The following FRMPD4 variants were observed in gnomAD, a reference collection of about 807,000 sequenced individuals.
The protein encoded by FRMPD4 is FERM and PDZ domain-containing protein 4.
In FRMPD4, 22 loss-of-function variants were observed where a neutral mutation model predicts 94.1. The ratio of observed to expected loss-of-function variants is 0.23; its 90% CI spans 0.17 to 0.33. The LOEUF is 0.33. FRMPD4 is among the 10% of genes least tolerant of loss of function. The pLI is 1.00. For missense variants in FRMPD4, 1,111 were observed against 1,339.9 expected, an observed-to-expected ratio of 0.83 and a Z score of 2.67; for synonymous variants, 631 against 548.6, an observed-to-expected ratio of 1.15 and a Z score of -2.10.
chrX:11,959,195 A>G (rs1396615341), intron 3 of FRMPD4, among the ~76,000 whole-genome samples: 1 of 112,496 alleles, frequency 8.9e-6, no homozygotes, highest in African/African-American at 3.2e-5. Flanking sequence ...TTTGGAAGGG[A>G]GAGCTTTATT....
intron 1 of FRMPD4, among the ~76,000 whole-genome samples, chrX:12,427,294 C>T (rs936120261): frequency 1.8e-5 from 2 of 111,027 alleles, no homozygotes; most frequent in South Asian, 3.8e-4. Context: ...GTTCCATCCT[C>T]ATCTCACTCT....
intron 3 of FRMPD4, among the ~76,000 whole-genome samples, chrX:12,121,910 T>G (rs1170771120): frequency 8.9e-6 from 1 of 111,734 alleles, no homozygotes; most frequent in Non-Finnish European, 1.9e-5. Flanking sequence ...TCTCAGCATA[T>G]GCATAGTAAG....
chrX:12,543,096 G>T (rs1461867841), intron 2 of FRMPD4, among the ~76,000 whole-genome samples: 7 of 111,437 alleles, frequency 6.3e-5, no homozygotes, highest in African/African-American at 2.0e-4. Context: ...ATTCAAGATG[G>T]ATTAAAGACT....
At chrX:12,460,797 T>C (rs2057383317) in intron 1 of FRMPD4, among the ~76,000 whole-genome samples, 1 of 111,990 alleles carries the variant, frequency 8.9e-6, no homozygotes, top group African/African-American at 3.2e-5. Context: ...AAAATGAGGA[T>C]TTACAAAATA....
intron 1 of FRMPD4, among the ~76,000 whole-genome samples, chrX:12,334,518 TA>T (rs1471806295): frequency 9.0e-6 from 1 of 110,706 alleles, no homozygotes; most frequent in Non-Finnish European, 1.9e-5. Flanking sequence ...TCTTGGGAGA[TA>T]AGGCAAGTTT....
At chrX:12,355,118 C>T (rs2055874449) in intron 1 of FRMPD4, among the ~76,000 whole-genome samples, 1 of 111,252 alleles carries the variant, frequency 9.0e-6, no homozygotes, top group African/African-American at 3.3e-5. Flanking sequence ...CTACTTAGCA[C>T]ATTATAAGCA....
At chrX:12,687,237 A>G (rs1455377445) in intron 7 of FRMPD4, among the ~76,000 whole-genome samples, 2 of 112,336 alleles carry the variant, frequency 1.8e-5, no homozygotes, top group Admixed American at 9.4e-5. Flanking sequence ...GGAAAATATT[A>G]GATTGATGTT....
At chrX:12,563,765 C>G (rs1261157077) in intron 2 of FRMPD4, among the ~76,000 whole-genome samples, 3 of 112,117 alleles carry the variant, frequency 2.7e-5, no homozygotes, top group African/African-American at 9.7e-5. Flanking sequence ...GGAATGCTTC[C>G]AGAGTATTTT....
rs773559624 is a variant in FRMPD4, at chrX:12,583,560, C to T, written c.159-26161C>T. On this transcript the variant is annotated intron_variant, in intron 2 of 16. Coordinates refer to ENST00000675598, the MANE Select transcript of FRMPD4 (RefSeq NM_001368397.1). ...CCTCATAACCAAAACCACGCTCCAGCGCAAGCCAGGCCTAACCGCACCAGC... is the reference window on the plus strand; with the variant it reads ...CCTCATAACCAAAACCACGCTCCAGTGCAAGCCAGGCCTAACCGCACCAGC... 132 of 830,477 alleles carry T rather than the reference C, an allele frequency of 1.6e-4. No homozygotes were observed. The African/African-American group carries it at 2.4e-3, about 15-fold the overall frequency. 68.4% of individuals were successfully genotyped at this position (830,477 alleles called of 1,213,427 possible).
rs1169538109 is a variant in FRMPD4, at chrX:12,166,445, C to T, written c.41+27433C>T. Reference sequence around the variant, plus strand: ...AAGCTTTTTGATGTGTTGCTGGATTCGGTTTGCCAGTATTTTATTGAGGAT... The same window carrying T: ...AAGCTTTTTGATGTGTTGCTGGATTTGGTTTGCCAGTATTTTATTGAGGAT... On this transcript the variant is annotated intron_variant, in intron 1 of 16. Transcript: ENST00000675598. 3.6e-5 allele frequency among the ~76,000 whole-genome samples: 4 copies of T among 111,122 alleles called. No individual in the cohort carries two copies. The South Asian group carries it at 1.2e-3, about 32-fold the overall frequency.
intron 1 of FRMPD4, among the ~76,000 whole-genome samples, chrX:12,350,595 G>A (rs914158878): frequency 8.9e-6 from 1 of 112,051 alleles, no homozygotes; most frequent in African/African-American, 3.2e-5. Flanking sequence ...AAATGTTTTT[G>A]ATTAAAACTA....
chrX:12,218,779 T>C (rs770113285), intron 1 of FRMPD4, among the ~76,000 whole-genome samples: 33 of 112,300 alleles, frequency 2.9e-4, no homozygotes, highest in Non-Finnish European at 5.8e-4. Flanking sequence ...TGGGGCACCC[T>C]TAGGGGCCAT....
At chrX:12,243,950 G>A (rs1046870722) in intron 1 of FRMPD4, among the ~76,000 whole-genome samples, 4 of 106,477 alleles carry the variant, frequency 3.8e-5, no homozygotes, top group Non-Finnish European at 7.7e-5. Flanking sequence ...CATACACCAT[G>A]TTGCCCAGCT....
intron 1 of FRMPD4, among the ~76,000 whole-genome samples, chrX:12,160,817 G>T (rs1243792924): frequency 9.0e-6 from 1 of 110,877 alleles, no homozygotes. Context: ...GATGTTCAGG[G>T]CTTAGAATAT....
chrX:12,374,704 C>T (rs895463800), intron 1 of FRMPD4, among the ~76,000 whole-genome samples: 12 of 111,425 alleles, frequency 1.1e-4, no homozygotes, highest in Non-Finnish European at 1.1e-4. Context: ...AGGGTCGGAT[C>T]CCATCTTTAT....
chrX:12,112,747 C>G (rs1156820658), intron 3 of FRMPD4, among the ~76,000 whole-genome samples: 1 of 110,455 alleles, frequency 9.1e-6, no homozygotes, highest in African/African-American at 3.3e-5. Context: ...ATGTTTCGAT[C>G]CAGTGGTAGC....
chrX:12,027,004 T>C (rs1004198303), intron 3 of FRMPD4, among the ~76,000 whole-genome samples: 1 of 111,912 alleles, frequency 8.9e-6, no homozygotes, highest in Non-Finnish European at 1.9e-5. Flanking sequence ...AGGAATTTGC[T>C]CTATAGCCTT....
chrX:12,403,208 G>A (rs1052482841), intron 1 of FRMPD4, among the ~76,000 whole-genome samples: 1 of 111,518 alleles, frequency 9.0e-6, no homozygotes, highest in African/African-American at 3.3e-5. Context: ...CCTCAACATG[G>A]TCTACATGGC....
intron 1 of FRMPD4, among the ~76,000 whole-genome samples, chrX:11,861,540 C>T (rs2053686997): frequency 8.9e-6 from 1 of 111,946 alleles, no homozygotes; most frequent in Admixed American, 9.5e-5. Flanking sequence ...TTGTCTTTCA[C>T]TAATTTATCC....
Sources: allele counts gnomAD v4.1 joint callset (sites outside exome capture counted in the v4.1 genomes callset), GRCh38; gene constraint gnomAD v4.1.1; transcripts MANE v1.5; gene names NCBI Gene and HGNC (gene_info 2026-07-23, HGNC 2026-07-21).